The following PINK1 variants were observed in gnomAD, a reference collection of about 807,000 sequenced individuals.
PINK1 encodes serine/threonine-protein kinase PINK1, mitochondrial.
PINK1 carries 58 observed loss-of-function variants against 56.0 expected under a neutral mutation model. The observed-to-expected ratio is 1.04, with a 90% CI of 0.84 to 1.29. PINK1 has a LOEUF of 1.29. Ranked by LOEUF, PINK1 falls within the 50% of genes most tolerant of loss-of-function variation. The pLI is 0.00. For missense variants in PINK1, 745 were observed against 777.9 expected, an observed-to-expected ratio of 0.96 and a Z score of 0.50; for synonymous variants, 354 against 339.3, an observed-to-expected ratio of 1.04 and a Z score of -0.48.
chr1:20,650,804 G>T lies in PINK1; in HGVS notation c.*113G>T. 7.0e-7 allele frequency: 1 copy of T among 1,437,258 alleles called. No homozygotes were observed. The highest frequency in any genetic ancestry group is 9.5e-7 in the Non-Finnish European group (1 of 1,057,038). 89.0% of individuals were successfully genotyped at this position (1,437,258 alleles called of 1,614,324 possible). A position where few individuals can be genotyped will look rare whatever the true frequency, so the allele number is the denominator to read the frequency against. ...GAGACAAGACAGCGCAGAGAGGGCT[G>T]GTTAGCCGGAAAAGGCCTCGGGCTT... On this transcript the variant is annotated 3_prime_UTR_variant, in exon 8 of 8. Transcript: ENST00000321556.
chr1:20,650,340 G>A, intron 7 of PINK1, 94 bp from the exon 8 acceptor site: 1 of 1,521,178 alleles, frequency 6.6e-7, no homozygotes, highest in South Asian at 1.2e-5. Context: ...ATTGGGTTGG[G>A]ACCAGAGAAG....
rs2275923 is a variant in PINK1 at position 20,639,819 on chromosome 1, C to T, written c.676-73C>T. On this transcript the variant is annotated intron_variant, in intron 2 of 7. Transcript: ENST00000321556. ...GCAGTAGCTGCCCTGCTCCAGGTTA[C>T]AGGCAGGGCTTACAAGGAACTTACC... 3.8e-4 allele frequency: 524 copies of T among 1,367,746 alleles called. 6 individuals carry two copies. The East Asian group carries it at 0.012, about 33-fold the overall frequency. The allele number at this position is 1,367,746 out of a possible 1,614,324, so 84.7% of individuals were successfully genotyped here.
chr1:20,650,773 A>G lies in PINK1; in HGVS notation c.*82A>G. The G allele has an allele frequency of 1.3e-6, 2 of 1,551,664 alleles. No homozygotes were observed. The highest frequency in any genetic ancestry group is 2.3e-5 in the East Asian group (1 of 42,782). On this transcript the variant is annotated 3_prime_UTR_variant, in exon 8 of 8. Coordinates refer to ENST00000321556, the MANE Select transcript of PINK1 (RefSeq NM_032409.3). The stretch of plus-strand genomic sequence containing the variant: ...ATGGTCTGTGAATGGTGAGGGTGGG[A>G]GTCAGGAGACAAGACAGCGCAGAGA...
chr1:20,633,842 G>A lies in PINK1; in HGVS notation c.294G>A (p.Arg98=), dbSNP rs1166874608. ...GGGGCTGCGCGGGCCCTTGCGGCCGGGCAGTCTTTCTGGCCTTCGGGCTAG... is the reference window on the plus strand; with the variant it reads ...GGGGCTGCGCGGGCCCTTGCGGCCGAGCAGTCTTTCTGGCCTTCGGGCTAG... ...RAWGCAGPCG[R]AVFLAFGLGL... is the part of the protein sequence containing the mutation. Residue 98 remains arginine (R), a synonymous_variant, in exon 1 of 8, where the codon CGG becomes CGA. Transcript: ENST00000321556. The A allele has an allele frequency of 7.6e-6, 12 of 1,578,790 alleles. No individual in the cohort carries two copies. The highest frequency in any genetic ancestry group is 2.3e-5 in the East Asian group (1 of 43,328).
At chr1:20,645,833 C>A in intron 5 of PINK1, 110 bp downstream of exon 5, 1 of 1,396,714 alleles carries the variant, frequency 7.2e-7, no homozygotes, top group African/African-American at 1.4e-5. Context: ...TAAGTCATGT[C>A]TTTATTTAGC....
At chr1:20,648,831 C>A in intron 6 of PINK1, 164 bp from the exon 7 acceptor site, 2 of 1,243,218 alleles carry the variant, frequency 1.6e-6, no homozygotes, top group South Asian at 1.3e-5. Context: ...GTCACATAAA[C>A]CAGGTGGTCT....
rs760240989 is a variant in PINK1 at position 20,637,823 on chromosome 1, C to T, written c.388-19C>T. 10 of 1,613,392 alleles carry T rather than the reference C, an allele frequency of 6.2e-6. No individual in the cohort carries two copies. Among genetic ancestry groups the T allele is most frequent in the East Asian group, 2.2e-5 (1 of 44,884 alleles). On this transcript the variant is annotated intron_variant, in intron 1 of 7. Coordinates refer to ENST00000321556, the MANE Select transcript of PINK1 (RefSeq NM_032409.3). ...TTCCTAGGCTCCCTGGCTCACGGTGCATTCTTTTCTCATCACAGGCAATTT... is the reference window on the plus strand; with the variant it reads ...TTCCTAGGCTCCCTGGCTCACGGTGTATTCTTTTCTCATCACAGGCAATTT...
At chr1:20,648,922 T>A (rs961025695) in intron 6 of PINK1, 73 bp from the exon 7 acceptor site, 16 of 1,495,396 alleles carry the variant, frequency 1.1e-5, no homozygotes, top group Non-Finnish European at 1.0e-5. Context: ...AGCCCATGGA[T>A]CAGGTGATGT....
At chr1:20,648,061 C>T (rs2053209140) in intron 5 of PINK1, among the ~76,000 whole-genome samples, 1 of 151,580 alleles carries the variant, frequency 6.6e-6, no homozygotes, top group African/African-American at 2.4e-5. Flanking sequence ...GTGATCTACC[C>T]GCCTCGGCCT....
In PINK1 at chr1:20,637,929, G is replaced by A. The variant is rs1344177821; in HGVS notation, c.475G>A (p.Gly159Arg). 1 of 1,614,052 alleles carries A rather than the reference G, an allele frequency of 6.2e-7. No individual in the cohort carries two copies. Among genetic ancestry groups the A allele is most frequent in the Admixed American group, 1.7e-5 (1 of 59,990 alleles). ...CTTTCGGCTGGAGGAGTATCTGATA[G>A]GGCAGTCCATTGGTAAGGGCTGCAG... is the stretch of plus-strand genomic sequence containing the variant. ...QGFRLEEYLI[G>R]QSIGKGCSAA... is the part of the protein sequence containing the mutation. Residue 159 changes from glycine to arginine, a missense_variant, in exon 2 of 8, where the codon GGG (glycine) becomes AGG (arginine). Gly to Arg is a moderately radical substitution (Grantham distance 125, BLOSUM62 -2). Coordinates refer to ENST00000321556, the MANE Select transcript of PINK1 (RefSeq NM_032409.3).
In PINK1 at chr1:20,649,240, G is replaced by A. The variant is rs372969865; in HGVS notation, c.1488+9G>A. 1 of 1,613,536 alleles carries A rather than the reference G, an allele frequency of 6.2e-7. No individual in the cohort carries two copies. The highest frequency in any genetic ancestry group is 8.5e-7 in the Non-Finnish European group (1 of 1,179,646). ...AGCGAGAGGCCAGCAAGGTGAGGCT[G>A]TCCCCGGCTTCGAGGGGACGGTGTG... On this transcript the variant is annotated intron_variant, in intron 7 of 7. Coordinates refer to ENST00000321556, the MANE Select transcript of PINK1 (RefSeq NM_032409.3).
rs1190532596 is a variant in PINK1, at chr1:20,642,261, T to C, written c.777-2229T>C. On this transcript the variant is annotated intron_variant, in intron 3 of 7. Transcript: ENST00000321556. ...CCTGATGTGCTAGAAGCAGTCACAC[T>C]GGATTTTTGAGAAAAGCCAAGCTTT... Among the ~76,000 whole-genome samples, 9 of 152,318 alleles carry C rather than the reference T, an allele frequency of 5.9e-5. No individual in the cohort carries two copies. In the East Asian group the frequency reaches 1.7e-3, roughly 29 times the overall value.
At chr1:20,637,362 A>C (rs1459852711) in intron 1 of PINK1, among the ~76,000 whole-genome samples, 2 of 79,858 alleles carry the variant, frequency 2.5e-5, no homozygotes, top group Admixed American at 1.1e-4. Flanking sequence ...GCAGAGAGAG[A>C]AAGACAGTAC....
chr1:20,638,256 T>TA, intron 2 of PINK1, 127 bp downstream of exon 2: 1 of 1,119,002 alleles, frequency 8.9e-7, no homozygotes, highest in Non-Finnish European at 1.3e-6. Context: ...GGTGCCTGTA[T>TA]AGTCAGGTTA....
chr1:20,639,774 A>T, intron 2 of PINK1, 118 bp from the exon 3 acceptor site: 1 of 880,994 alleles, frequency 1.1e-6, no homozygotes, highest in Non-Finnish European at 1.8e-6. Context: ...TCTTATCTCG[A>T]AGGTCAGAGC....
chr1:20,639,066 C>G (rs1350870106), intron 2 of PINK1: 5 of 152,692 alleles, frequency 3.3e-5, no homozygotes, highest in Non-Finnish European at 7.3e-5. Flanking sequence ...TGTATTAAGA[C>G]CCGATGCTCT....
chr1:20,645,771 G>A (rs754575116), intron 5 of PINK1, 48 bp downstream of exon 5: 1 of 1,612,114 alleles, frequency 6.2e-7, no homozygotes, highest in Non-Finnish European at 8.5e-7. Flanking sequence ...ACTAGAGGGT[G>A]GGTCAGGAGC....
Position 20,650,501 on chromosome 1 carries a change from TG to T in PINK1, c.1557del (p.Lys520ArgfsTer3), listed in dbSNP as rs765320312. 4 of 1,614,078 alleles carry T rather than the reference TG, an allele frequency of 2.5e-6. No individual in the cohort carries two copies. In the East Asian group the frequency reaches 8.9e-5, roughly 36 times the overall value. On this transcript the variant is annotated frameshift_variant, in exon 8 of 8. Transcript: ENST00000321556. LOFTEE classifies it high-confidence loss of function. ...LSLWGEHILA[L>X]KNLKLDKMVG... ...CTCTGGGGTGAACATATTCTAGCCC[TG>T]AAGAATCTGAAGTTAGACAAGATGG...
intron 4 of PINK1, among the ~76,000 whole-genome samples, chr1:20,645,151 C>T (rs2053162419): frequency 6.6e-6 from 1 of 152,150 alleles, no homozygotes; most frequent in Middle Eastern, 3.2e-3. Flanking sequence ...AATCAAAGTG[C>T]TCCTGGAAGG....
Sources: allele counts gnomAD v4.1 joint callset (sites outside exome capture counted in the v4.1 genomes callset), GRCh38; gene constraint gnomAD v4.1.1; transcripts MANE v1.5; gene names NCBI Gene and HGNC (gene_info 2026-07-23, HGNC 2026-07-21).